The following GXYLT1 variants were observed in gnomAD, a reference collection of about 807,000 sequenced individuals.
The protein encoded by GXYLT1 is glucoside xylosyltransferase 1, also known as glycosyltransferase 8 domain containing 3.
In GXYLT1, 29 loss-of-function variants were observed where a neutral mutation model predicts 54.0. The observed-to-expected ratio is 0.54, with a 90% CI of 0.40 to 0.73. The LOEUF (loss-of-function observed/expected upper bound fraction) is 0.73, where lower values mean the gene tolerates loss of function less well. GXYLT1 is among the 30% of genes least tolerant of loss of function. GXYLT1 has a pLI of 0.00. For synonymous variants in GXYLT1, 176 were observed against 204.1 expected (o/e 0.86, Z 1.17); for missense variants, 490 against 553.4 (o/e 0.89, Z 1.15).
In GXYLT1 at chr12:42,140,180, C is replaced by CAA. The variant is rs35830911; in HGVS notation, c.221+4244_221+4245dup. ...TGAGTGACAGAGCAAGACTCCATCTCAAAAAAAAAAAAAAAAAGGCGGGGG... is the reference window on the plus strand; with the variant it reads ...TGAGTGACAGAGCAAGACTCCATCTCAAAAAAAAAAAAAAAAAAAGGCGGGGG... On this transcript the variant is annotated intron_variant, in intron 1 of 7. Transcript: ENST00000398675. Among the ~76,000 whole-genome samples, 84 of 20,790 alleles carry CAA rather than the reference C, an allele frequency of 4.0e-3. 2 individuals are homozygous for CAA. The highest frequency in any genetic ancestry group is 4.5e-3 in the Non-Finnish European group (59 of 13,090). 13.6% of individuals were successfully genotyped at this position (20,790 alleles called of 152,430 possible). A position where few individuals can be genotyped will look rare whatever the true frequency, so the allele number is the denominator to read the frequency against.
intron 5 of GXYLT1, among the ~76,000 whole-genome samples, chr12:42,103,627 G>A (rs576807237): frequency 8.5e-5 from 13 of 152,186 alleles, no homozygotes; most frequent in South Asian, 4.2e-4. Flanking sequence ...GGACCATCTC[G>A]ACAATCCTAA....
intron 3 of GXYLT1, among the ~76,000 whole-genome samples, chr12:42,112,374 A>G (rs2065463473): frequency 6.6e-6 from 1 of 152,216 alleles, no homozygotes; most frequent in African/African-American, 2.4e-5. Flanking sequence ...AACCAATGGC[A>G]AAGAAATTAA....
chr12:42,138,797 G>A (rs567426863), intron 1 of GXYLT1, among the ~76,000 whole-genome samples: 1 of 152,206 alleles, frequency 6.6e-6, no homozygotes, highest in South Asian at 2.1e-4. Flanking sequence ...GAGGCAGGTG[G>A]ATCACCTGAG....
chr12:42,124,652 A>T (rs535092238), intron 2 of GXYLT1, among the ~76,000 whole-genome samples: 1 of 152,370 alleles, frequency 6.6e-6, no homozygotes, highest in South Asian at 2.1e-4. Flanking sequence ...ATGCTGGTGC[A>T]GGCTTACAGC....
chr12:42,140,449 ATGT>A (rs1328880076), intron 1 of GXYLT1, among the ~76,000 whole-genome samples: 3 of 152,040 alleles, frequency 2.0e-5, no homozygotes, highest in African/African-American at 7.2e-5. Flanking sequence ...ATTAGCTAAA[ATGT>A]TGTTGTGTCA....
At chr12:42,121,460 A>C (rs1337580867) in intron 2 of GXYLT1, among the ~76,000 whole-genome samples, 2 of 152,030 alleles carry the variant, frequency 1.3e-5, no homozygotes, top group Non-Finnish European at 2.9e-5. Flanking sequence ...AGCGAGACCC[A>C]GTATCCACAC....
intron 3 of GXYLT1, among the ~76,000 whole-genome samples, chr12:42,114,587 T>C (rs191971472): frequency 1.2e-3 from 176 of 152,148 alleles, no homozygotes; most frequent in Non-Finnish European, 1.8e-3. Flanking sequence ...CAGGAAGAAG[T>C]TGAATCTCTG....
chr12:42,086,013 G>A lies in GXYLT1; in HGVS notation c.*1773C>T, dbSNP rs368162491. On this transcript the variant is annotated 3_prime_UTR_variant, in exon 8 of 8. Transcript: ENST00000398675. ...TCCCTCCTAGACACAGCATGCCAGA[G>A]TCTCCAAAGGCCTAGCTCAGGAATC... is the stretch of plus-strand genomic sequence containing the variant. 1 of 151,796 alleles carries A rather than the reference G, an allele frequency of 6.6e-6. No individual in the cohort carries two copies. The highest frequency in any genetic ancestry group is 2.1e-4 in the South Asian group (1 of 4,796). The allele number at this position is 151,796 out of a possible 1,614,324, so 9.4% of individuals were successfully genotyped here. A position where few individuals can be genotyped will look rare whatever the true frequency, so the allele number is the denominator to read the frequency against.
rs2065416650 is a variant in GXYLT1, at chr12:42,105,880, T to G, written c.802A>C (p.Thr268Pro). 1 of 1,613,714 alleles carries G rather than the reference T, an allele frequency of 6.2e-7. No homozygotes were observed. Among genetic ancestry groups the G allele is most frequent in the Non-Finnish European group, 8.5e-7 (1 of 1,179,644 alleles). The change falls in exon 5 of 8, where the codon ACT becomes CCT. Residue 268 changes from threonine to proline, a missense_variant. Physicochemically the swap from Thr to Pro is conservative, Grantham distance 38. Coordinates refer to ENST00000398675, the MANE Select transcript of GXYLT1 (RefSeq NM_173601.2). ...AACATAACTCCAGAGTTTACTCCAGTTTTTCCATAATATGGATGCCTAGCA... is the reference window on the plus strand; with the variant it reads ...AACATAACTCCAGAGTTTACTCCAGGTTTTCCATAATATGGATGCCTAGCA... Reference protein sequence around the residue: ...RFARHPYYGKTGVNSGVMLMN... With the variant: ...RFARHPYYGKPGVNSGVMLMN...
At position 42,103,061 on chromosome 12, in the gene GXYLT1, A is replaced by G. The variant is rs534562932; in HGVS notation, c.864+2757T>C. Among the ~76,000 whole-genome samples, 26 of 152,112 alleles carry G rather than the reference A, an allele frequency of 1.7e-4. 1 individual carries two copies. Among genetic ancestry groups the G allele is most frequent in the Admixed American group, 1.4e-3 (22 of 15,266 alleles). ...CTGCAACCTCTGCCTCCCTGGTTCAAGCAATTCTGTCTCAGCCTCCCAAGT... is the reference window on the plus strand; with the variant it reads ...CTGCAACCTCTGCCTCCCTGGTTCAGGCAATTCTGTCTCAGCCTCCCAAGT... On this transcript the variant is annotated intron_variant, in intron 5 of 7. Coordinates refer to ENST00000398675, the MANE Select transcript of GXYLT1 (RefSeq NM_173601.2).
chr12:42,113,080 C>G (rs1364462394), intron 3 of GXYLT1, among the ~76,000 whole-genome samples: 2 of 151,060 alleles, frequency 1.3e-5, no homozygotes, highest in Admixed American at 6.6e-5. Context: ...CAAGCAAATG[C>G]TGAGAGATTT....
At chr12:42,114,427 A>G (rs2065479697) in intron 3 of GXYLT1, among the ~76,000 whole-genome samples, 1 of 152,234 alleles carries the variant, frequency 6.6e-6, no homozygotes, top group Non-Finnish European at 1.5e-5. Flanking sequence ...AATACACGCA[A>G]TAAAACATGA....
chr12:42,136,344 A>G (rs2065619247), intron 1 of GXYLT1, among the ~76,000 whole-genome samples: 1 of 152,260 alleles, frequency 6.6e-6, no homozygotes, highest in Non-Finnish European at 1.5e-5. Context: ...AACTGTTGAA[A>G]GCAGAATATT....
chr12:42,099,813 T>C (rs1246930055), intron 5 of GXYLT1, among the ~76,000 whole-genome samples: 4 of 152,184 alleles, frequency 2.6e-5, no homozygotes, highest in Non-Finnish European at 5.9e-5. Context: ...ATTGTGCCAC[T>C]GCACTCCGGC....
chr12:42,095,889 C>G (rs2065353076), intron 7 of GXYLT1, among the ~76,000 whole-genome samples: 1 of 152,034 alleles, frequency 6.6e-6, no homozygotes, highest in South Asian at 2.1e-4. Flanking sequence ...GAGTACACAC[C>G]CTTGTCTGGG....
chr12:42,098,760 C>CATATATATATATATATAT (rs60199719), intron 5 of GXYLT1, among the ~76,000 whole-genome samples: 3,421 of 96,216 alleles, frequency 0.036, 166 homozygotes, highest in South Asian at 0.075. Flanking sequence ...AAATTTAAAA[C>CATATATATATATATATAT]ATATATATAT....
intron 1 of GXYLT1, among the ~76,000 whole-genome samples, chr12:42,141,250 T>C (rs1272442887): frequency 2.0e-5 from 3 of 152,164 alleles, no homozygotes; most frequent in African/African-American, 7.2e-5. Context: ...GAATAAAACC[T>C]GCAAGAACAG....
chr12:42,141,661 T>C (rs2065653089), intron 1 of GXYLT1, among the ~76,000 whole-genome samples: 1 of 152,232 alleles, frequency 6.6e-6, no homozygotes. Context: ...ATAGTTTCTA[T>C]TTATCAATTA....
At chr12:42,136,222 G>C (rs2065618774) in intron 1 of GXYLT1, among the ~76,000 whole-genome samples, 1 of 152,160 alleles carries the variant, frequency 6.6e-6, no homozygotes, top group Non-Finnish European at 1.5e-5. Flanking sequence ...ATTAGCAAAA[G>C]CAACTCATCT....
Sources: allele counts gnomAD v4.1 joint callset (sites outside exome capture counted in the v4.1 genomes callset), GRCh38; gene constraint gnomAD v4.1.1; transcripts MANE v1.5; gene names NCBI Gene and HGNC (gene_info 2026-07-23, HGNC 2026-07-21).